Variants in AGMO observed in about 807,000 individuals in gnomAD.
AGMO encodes alkylglycerol monooxygenase.
A neutral mutation model predicts 60.2 loss-of-function variants in AGMO; 75 were observed. The observed-to-expected ratio is 1.25, with a 90% CI of 1.03 to 1.51. AGMO has a LOEUF of 1.51. Ranked by LOEUF, AGMO falls within the 40% of genes most tolerant of loss-of-function variation. The pLI, the probability that AGMO is intolerant of heterozygous loss-of-function variation, is 0.00. For missense variants in AGMO, 763 were observed against 525.5 expected (o/e 1.45, Z -4.42); for synonymous variants, 261 against 177.1 (o/e 1.47, Z -3.76).
chr7:15,194,817 TTCC>T, the AGMO span, among the ~76,000 whole-genome samples: 3 of 152,088 alleles, frequency 2.0e-5, no homozygotes, highest in African/African-American at 7.2e-5. Flanking sequence ...GGCTGCCAGG[TTCC>T]ATTTTTAGAT....
chr7:15,561,872 G>A lies in AGMO; in HGVS notation c.-27C>T, dbSNP rs1401945986. Reference sequence around the variant, plus strand: ...TCTGCCCTTGTCTGATTCCCAGCTGGAGAATATTTAGGATTCAATGCTTGA... The same window carrying A: ...TCTGCCCTTGTCTGATTCCCAGCTGAAGAATATTTAGGATTCAATGCTTGA... On this transcript the variant is annotated 5_prime_UTR_variant, in exon 1 of 13. Coordinates refer to ENST00000342526, the MANE Select transcript of AGMO (RefSeq NM_001004320.2). 4.4e-6 allele frequency: 7 copies of A among 1,581,956 alleles called. No individual in the cohort carries two copies. The highest frequency in any genetic ancestry group is 2.3e-5 in the East Asian group (1 of 44,128).
chr7:15,390,368 C>T (rs761744180), intron 8 of AGMO, among the ~76,000 whole-genome samples: 5 of 152,158 alleles, frequency 3.3e-5, no homozygotes, highest in Non-Finnish European at 7.3e-5. Flanking sequence ...GTTACTATTG[C>T]TCCTACTGAA....
intron 12 of AGMO, among the ~76,000 whole-genome samples, chr7:15,267,912 A>G (rs1443636135): frequency 6.6e-6 from 1 of 151,962 alleles, no homozygotes; most frequent in African/African-American, 2.4e-5. Flanking sequence ...GCCAGAGAAA[A>G]TGTTATGTAC....
At chr7:15,422,314 G>T (rs1049319172) in intron 4 of AGMO, among the ~76,000 whole-genome samples, 8 of 151,790 alleles carry the variant, frequency 5.3e-5, no homozygotes, top group African/African-American at 1.7e-4. Context: ...TATATTTATG[G>T]CTTATTCAGA....
chr7:15,387,392 T>G lies in AGMO; in HGVS notation c.957+14A>C, dbSNP rs1375895952. ...ACAATCTTCACCATCTCCAATTCTGTGAACTCTATTTACCTCTGGAATTTC... is the reference window on the plus strand; with the variant it reads ...ACAATCTTCACCATCTCCAATTCTGGGAACTCTATTTACCTCTGGAATTTC... On this transcript the variant is annotated intron_variant, in intron 9 of 12. Transcript: ENST00000342526. 6.2e-7 allele frequency: 1 copy of G among 1,610,652 alleles called. No individual in the cohort carries two copies. The highest frequency in any genetic ancestry group is 1.3e-5 in the African/African-American group (1 of 74,676).
chr7:15,303,720 A>G (rs1780523341), intron 12 of AGMO, among the ~76,000 whole-genome samples: 1 of 152,180 alleles, frequency 6.6e-6, no homozygotes, highest in South Asian at 2.1e-4. Flanking sequence ...GGAACTTGAT[A>G]CAAGCTATGG....
chr7:15,556,333 G>A (rs1293586977), intron 2 of AGMO, among the ~76,000 whole-genome samples: 1 of 150,064 alleles, frequency 6.7e-6, no homozygotes, highest in African/African-American at 2.5e-5. Flanking sequence ...ACATTGTGGA[G>A]CTAGCTCCAT....
chr7:15,169,062 G>A, the AGMO span, among the ~76,000 whole-genome samples: 1 of 152,192 alleles, frequency 6.6e-6, no homozygotes, highest in African/African-American at 2.4e-5. Context: ...ATAACCAGAT[G>A]AGCATTGGTT....
intron 12 of AGMO, among the ~76,000 whole-genome samples, chr7:15,312,681 G>GA (rs1407481814): frequency 6.6e-6 from 1 of 151,878 alleles, no homozygotes; most frequent in Non-Finnish European, 1.5e-5. Context: ...CTCACTAAAA[G>GA]AATTTTGTTT....
At chr7:15,354,180 CTTA>C (rs991576761) in intron 12 of AGMO, among the ~76,000 whole-genome samples, 3 of 151,200 alleles carry the variant, frequency 2.0e-5, no homozygotes, top group African/African-American at 4.8e-5. Context: ...CCCCAAATGG[CTTA>C]TTTTCACCTT....
chr7:15,212,400 G>A (rs141364343), intron 12 of AGMO, among the ~76,000 whole-genome samples: 224 of 151,728 alleles, frequency 1.5e-3, no homozygotes, highest in African/African-American at 4.7e-3. Flanking sequence ...CTTTTTTTAT[G>A]CCAGGCCTTT....
intron 12 of AGMO, among the ~76,000 whole-genome samples, chr7:15,301,720 A>G (rs1480688598): frequency 6.6e-6 from 1 of 152,186 alleles, no homozygotes; most frequent in Non-Finnish European, 1.5e-5. Flanking sequence ...CCAAGAAAAA[A>G]TGACTATAAT....
At chr7:15,315,460 C>G (rs1780896627) in intron 12 of AGMO, among the ~76,000 whole-genome samples, 1 of 149,490 alleles carries the variant, frequency 6.7e-6, no homozygotes, top group African/African-American at 2.4e-5. Context: ...GCCTCAGCCT[C>G]CAGAGTAGCT....
At chr7:15,134,716 C>A in the AGMO span, among the ~76,000 whole-genome samples, 10 of 152,120 alleles carry the variant, frequency 6.6e-5, 1 homozygote, top group East Asian at 1.9e-3. Context: ...TGGGCATTTA[C>A]GTTGACTCCA....
the AGMO span, among the ~76,000 whole-genome samples, chr7:15,145,115 G>A: frequency 3.3e-5 from 5 of 152,102 alleles, no homozygotes; most frequent in African/African-American, 4.8e-5. Flanking sequence ...GGCGTGAGCC[G>A]CTGCGCCCGG....
chr7:15,466,542 T>G (rs999283934), intron 3 of AGMO, among the ~76,000 whole-genome samples: 1 of 152,154 alleles, frequency 6.6e-6, no homozygotes, highest in Non-Finnish European at 1.5e-5. Context: ...GGAACTTGCC[T>G]AGGGTTTTAT....
rs190694953 is a variant in AGMO at position 15,380,039 on chromosome 7, G to A, written c.1074+5407C>T. ...ATAAAAAGATCCATATAAGACAAAC[G>A]CACAGCTAACATTTTACTGAATGGG... is the stretch of plus-strand genomic sequence containing the variant. On this transcript the variant is annotated intron_variant, in intron 10 of 12. Transcript: ENST00000342526. Among the ~76,000 whole-genome samples, 29 of 152,030 alleles carry A rather than the reference G, an allele frequency of 1.9e-4. 1 individual carries two copies. The South Asian group carries it at 5.4e-3, about 28-fold the overall frequency.
Position 15,385,570 on chromosome 7 carries a change from G to A in AGMO, c.958-8C>T. The A allele has an allele frequency of 2.0e-6, 3 of 1,507,872 alleles. No homozygotes were observed. Among genetic ancestry groups the A allele is most frequent in the Non-Finnish European group, 1.8e-6 (2 of 1,084,364 alleles). The allele number at this position is 1,507,872 out of a possible 1,614,324, so 93.4% of individuals were successfully genotyped here. ...AACTTCTTTGCCGGTGACCTAGGGA[G>A]ACAAGAACCATTTCCTTTATATTGC... On this transcript the variant is annotated splice_region_variant and splice_polypyrimidine_tract_variant and intron_variant, in intron 9 of 12. Transcript: ENST00000342526.
At position 15,342,779 on chromosome 7, in the gene AGMO, C is replaced by CAAAAAAAA. The variant is rs780336320; in HGVS notation, c.1263+22727_1263+22734dup. Among the ~76,000 whole-genome samples the CAAAAAAAA allele has an allele frequency of 6.5e-4, 40 of 61,660 alleles. 2 individuals carry two copies. The highest frequency in any genetic ancestry group is 2.5e-3 in the African/African-American group (33 of 13,464). 40.5% of individuals were successfully genotyped at this position (61,660 alleles called of 152,430 possible). ...TTTATGTGGGAGTACAGTATAGCTGCAAAAAAAAAAAAAAAAAAAAAAAAA... is the reference window on the plus strand; with the variant it reads ...TTTATGTGGGAGTACAGTATAGCTGCAAAAAAAAAAAAAAAAAAAAAAAAAAAAAAAAA... On this transcript the variant is annotated intron_variant, in intron 12 of 12. Coordinates refer to ENST00000342526, the MANE Select transcript of AGMO (RefSeq NM_001004320.2).
Sources: allele counts gnomAD v4.1 joint callset (sites outside exome capture counted in the v4.1 genomes callset), GRCh38; gene constraint gnomAD v4.1.1; transcripts MANE v1.5; gene names NCBI Gene and HGNC (gene_info 2026-07-23, HGNC 2026-07-21).